The following AGXT2 variants were observed in gnomAD, a reference collection of about 807,000 sequenced individuals.
AGXT2 encodes alanine--glyoxylate aminotransferase 2, also known as alanine--glyoxylate aminotransferase 2, mitochondrial.
In AGXT2, 61 loss-of-function variants were observed where a neutral mutation model predicts 62.5. The observed-to-expected ratio is 0.98, with a 90% confidence interval of 0.79 to 1.21. The LOEUF is 1.21. Ranked by LOEUF, AGXT2 falls within the 50% of genes most tolerant of loss-of-function variation. AGXT2 has a pLI of 0.00. For synonymous variants in AGXT2, 243 were observed against 218.7 expected (o/e 1.11, Z -0.98); for missense variants, 666 against 641.5 (o/e 1.04, Z -0.41).
At chr5:35,020,490 A>T (rs1241851953) in intron 9 of AGXT2, among the ~76,000 whole-genome samples, 1 of 152,232 alleles carries the variant, frequency 6.6e-6, no homozygotes, top group African/African-American at 2.4e-5. Context: ...TTATCTCAAT[A>T]GATGCAGAAA....
chr5:35,039,347 A>T lies in AGXT2; in HGVS notation c.339T>A (p.Thr113=). ...ACGGGTGGCAATGGCCAACACTGAC[A>T]GTAACAATCCCGGAAAAGAAATCCA... ...RYLDFFSGIV[T]VSVGHCHPKV... is the part of the protein sequence containing the mutation. The change falls in exon 3 of 14, where the codon ACT becomes ACA. Residue 113 remains threonine (T), a synonymous_variant. Transcript: ENST00000231420. 1.2e-6 allele frequency: 2 copies of T among 1,614,150 alleles called. No homozygotes were observed. The highest frequency in any genetic ancestry group is 1.7e-6 in the Non-Finnish European group (2 of 1,179,960).
Position 35,039,454 on chromosome 5 carries a change from C to G in AGXT2, c.232G>C (p.Val78Leu), listed in dbSNP as rs775909514. ...AGGGGTTTCTGGAAATATGCCGTCA[C>G]CACAGGAGAAAGATGTTCCTTGTGG... ...EIHKEHLSPVVTAYFQKPLLL... is the reference protein window; with the variant it reads ...EIHKEHLSPVLTAYFQKPLLL... Residue 78 changes from valine (V) to leucine (L), a missense_variant, in exon 3 of 14, where the codon GTG becomes CTG. Coordinates refer to ENST00000231420, the MANE Select transcript of AGXT2 (RefSeq NM_031900.4). The G allele has an allele frequency of 6.2e-7, 1 of 1,613,988 alleles. No individual in the cohort carries two copies. Among genetic ancestry groups the G allele is most frequent in the Non-Finnish European group, 8.5e-7 (1 of 1,179,984 alleles).
At chr5:35,044,726 A>G (rs887405113) in intron 1 of AGXT2, among the ~76,000 whole-genome samples, 1 of 152,010 alleles carries the variant, frequency 6.6e-6, no homozygotes, top group African/African-American at 2.4e-5. Flanking sequence ...GTGGCTGTCC[A>G]CAAGCAAGAG....
intron 6 of AGXT2, chr5:35,033,237 A>C (rs533268258): frequency 1.8e-6 from 1 of 546,896 alleles, no homozygotes; most frequent in African/African-American, 1.9e-5. Flanking sequence ...TTTTATTTAA[A>C]AGCAAAATAC....
At position 35,039,712 on chromosome 5, in the gene AGXT2, C is replaced by A. The variant is rs571544258; in HGVS notation, c.178-204G>T. On this transcript the variant is annotated intron_variant, in intron 2 of 13. Transcript: ENST00000231420. Reference sequence around the variant, plus strand: ...TAAGGAGGTGAATTATTATTTGTAGCCTTTCGATCTCTTTTCAGAAAAGGG... The same window carrying A: ...TAAGGAGGTGAATTATTATTTGTAGACTTTCGATCTCTTTTCAGAAAAGGG... Among the ~76,000 whole-genome samples the A allele has an allele frequency of 7.4e-4, 113 of 152,242 alleles. 1 individual carries two copies. The highest frequency in any genetic ancestry group is 2.5e-3 in the African/African-American group (104 of 41,530).
intron 7 of AGXT2, among the ~76,000 whole-genome samples, chr5:35,028,098 G>T (rs991773276): frequency 6.6e-6 from 1 of 151,944 alleles, no homozygotes; most frequent in Non-Finnish European, 1.5e-5. Flanking sequence ...ACTCCACAGA[G>T]CCATCAACAT....
chr5:35,027,562 A>G (rs966860436), intron 7 of AGXT2, among the ~76,000 whole-genome samples: 2 of 152,138 alleles, frequency 1.3e-5, no homozygotes, highest in Admixed American at 6.5e-5. Flanking sequence ...TGTATTAAAC[A>G]TATTCATTTT....
intron 7 of AGXT2, among the ~76,000 whole-genome samples, chr5:35,028,606 AG>A (rs751705448): frequency 0.086 from 6,958 of 80,762 alleles, 847 homozygotes; most frequent in Admixed American, 0.11. Context: ...AGAGAGAGAG[AG>A]AGAGAGAGAG....
At chr5:35,017,498 GT>G (rs1412768467) in intron 9 of AGXT2, among the ~76,000 whole-genome samples, 1 of 152,164 alleles carries the variant, frequency 6.6e-6, no homozygotes, top group Non-Finnish European at 1.5e-5. Flanking sequence ...AGATCTGATG[GT>G]TTTATAAGGG....
Position 35,025,652 on chromosome 5 carries a change from A to T in AGXT2, c.963+111T>A, listed in dbSNP as rs1231044017. The stretch of plus-strand genomic sequence containing the variant: ...TCATTCATTTGTAGGCAAACTTTGG[A>T]ATTCACAGAGCAGAGGCTTTCTGCC... On this transcript the variant is annotated intron_variant, in intron 9 of 13. Coordinates refer to ENST00000231420, the MANE Select transcript of AGXT2 (RefSeq NM_031900.4). 3.5e-6 allele frequency: 4 copies of T among 1,131,528 alleles called. No homozygotes were observed. The African/African-American group carries it at 6.1e-5, about 17-fold the overall frequency. The allele number at this position is 1,131,528 out of a possible 1,614,324, so 70.1% of individuals were successfully genotyped here.
At chr5:35,045,612 G>A (rs1441075210) in intron 1 of AGXT2, among the ~76,000 whole-genome samples, 3 of 152,126 alleles carry the variant, frequency 2.0e-5, no homozygotes, top group Non-Finnish European at 2.9e-5. Context: ...GTATGTTAGT[G>A]AGTGTGTGTT....
In AGXT2 at chr5:35,015,461, C is replaced by G. The variant is rs75712902; in HGVS notation, c.964-1342G>C. Among the ~76,000 whole-genome samples, 6 of 152,276 alleles carry G rather than the reference C, an allele frequency of 3.9e-5. No homozygotes were observed. In the East Asian group the frequency reaches 1.2e-3, roughly 29 times the overall value. Reference sequence around the variant, plus strand: ...TGGCTCTCAGTCTCCCTGCCTGTCTCTCTGTCTGTCTGTCTCTCTCCACAC... The same window carrying G: ...TGGCTCTCAGTCTCCCTGCCTGTCTGTCTGTCTGTCTGTCTCTCTCCACAC... On this transcript the variant is annotated intron_variant, in intron 9 of 13. Coordinates refer to ENST00000231420, the MANE Select transcript of AGXT2 (RefSeq NM_031900.4).
chr5:35,039,273 T>C (rs1235172465), intron 3 of AGXT2, 51 bp downstream of exon 3: 12 of 1,577,876 alleles, frequency 7.6e-6, no homozygotes, highest in Non-Finnish European at 1.0e-5. Flanking sequence ...ACATAATTGT[T>C]TTCCATGCAT....
Position 35,037,015 on chromosome 5 carries a change from C to T in AGXT2, c.413G>A (p.Ser138Asn). 1 of 1,614,208 alleles carries T rather than the reference C, an allele frequency of 6.2e-7. No homozygotes were observed. The highest frequency in any genetic ancestry group is 1.1e-5 in the South Asian group (1 of 91,086). ...CATTGGAGGGTGGAAGAAGACGGTG[C>T]TTGTATGCCACAGGCGGCCGAGCTG... is the stretch of plus-strand genomic sequence containing the variant. ...QKQLGRLWHTSTVFFHPPMHE... is the reference protein window; with the variant it reads ...QKQLGRLWHTNTVFFHPPMHE... The change falls in exon 4 of 14, where the codon AGC (serine) becomes AAC (asparagine). Residue 138 changes from serine to asparagine, a missense_variant. Transcript: ENST00000231420.
At chr5:35,032,679 G>T (rs1767612626) in intron 7 of AGXT2, 53 bp downstream of exon 7, 8 of 1,443,180 alleles carry the variant, frequency 5.5e-6, no homozygotes, top group Non-Finnish European at 7.7e-6. Flanking sequence ...GCCTTTATTC[G>T]TGTCCCTTCC....
At position 35,013,108 on chromosome 5, in the gene AGXT2, C is replaced by T. The variant is rs770707002; in HGVS notation, c.1097-63G>A. On this transcript the variant is annotated intron_variant, in intron 10 of 13. Transcript: ENST00000231420. ...CATTCCTGTCCACAATCTCTCATCG[C>T]GCCATTTGGACTACAGTTACTTCGT... The T allele has an allele frequency of 7.0e-6, 10 of 1,419,732 alleles. No homozygotes were observed. In the Admixed American group the frequency reaches 7.9e-5, roughly 11 times the overall value. 87.9% of individuals were successfully genotyped at this position (1,419,732 alleles called of 1,614,324 possible). A position where few individuals can be genotyped will look rare whatever the true frequency, so the allele number is the denominator to read the frequency against.
chr5:35,040,474 G>A, intron 2 of AGXT2, 101 bp downstream of exon 2: 1 of 1,105,568 alleles, frequency 9.0e-7, no homozygotes, highest in Non-Finnish European at 1.4e-6. Flanking sequence ...GTAGTTTAGT[G>A]GCAAGCAGGG....
At chr5:35,032,330 C>T (rs344160) in intron 7 of AGXT2, among the ~76,000 whole-genome samples, 4,390 of 152,152 alleles carry the variant, frequency 0.029, 240 homozygotes, top group African/African-American at 0.1. Context: ...TCAGCTCAAG[C>T]AATCCTCCCA....
chr5:35,015,613 G>A (rs1052228490), intron 9 of AGXT2, among the ~76,000 whole-genome samples: 21 of 152,058 alleles, frequency 1.4e-4, no homozygotes, highest in African/African-American at 3.1e-4. Flanking sequence ...ACTTTGGGAG[G>A]CCGAGGTGGG....
Sources: gnomAD v4.1 joint callset for allele counts (sites outside exome capture counted in the v4.1 genomes callset) on GRCh38, gnomAD v4.1.1 for gene constraint, MANE v1.5 for transcripts, NCBI Gene and HGNC (gene_info 2026-07-23, HGNC 2026-07-21) for gene names.